Variants in TBXAS1 observed in about 807,000 individuals in gnomAD.
TBXAS1 encodes the protein thromboxane A synthase 1.
In TBXAS1, 48 loss-of-function variants were observed where a neutral mutation model predicts 60.7. The observed-to-expected ratio is 0.79, with a 90% CI of 0.63 to 1.01. The LOEUF (loss-of-function observed/expected upper bound fraction) is 1.01, where lower values mean the gene tolerates loss of function less well. Ranked by LOEUF, TBXAS1 falls within the 50% of genes least tolerant of loss-of-function variation. The pLI, the probability that TBXAS1 is intolerant of heterozygous loss-of-function variation, is 0.00. For synonymous variants in TBXAS1, 287 were observed against 269.7 expected, an observed-to-expected ratio of 1.06 and a Z score of -0.63; for missense variants, 685 against 686.3, an observed-to-expected ratio of 1.00 and a Z score of 0.02.
chr7:139,945,503 C>T (rs986086713), intron 5 of TBXAS1, among the ~76,000 whole-genome samples: 3 of 152,180 alleles, frequency 2.0e-5, no homozygotes, highest in African/African-American at 7.2e-5. Context: ...TATGTCAAGG[C>T]TCTCAAGGAA....
At chr7:139,860,177 G>A (rs1291397342) in intron 1 of TBXAS1, among the ~76,000 whole-genome samples, 1 of 152,128 alleles carries the variant, frequency 6.6e-6, no homozygotes, top group Admixed American at 6.5e-5. Context: ...ATTCTTGGCT[G>A]TTTCAGTGGT....
chr7:139,924,515 C>T (rs1451485873), intron 4 of TBXAS1, among the ~76,000 whole-genome samples: 1 of 151,210 alleles, frequency 6.6e-6, no homozygotes, highest in African/African-American at 2.4e-5. Flanking sequence ...AGGTTTTTTT[C>T]CTGCAGAGTT....
At chr7:139,890,207 CTTTTTTTTTTTT>C (rs57305084) in intron 3 of TBXAS1, among the ~76,000 whole-genome samples, 2 of 85,602 alleles carry the variant, frequency 2.3e-5, no homozygotes, top group Non-Finnish European at 4.2e-5. Context: ...AGGATGCAGT[CTTTTTTTTTTTT>C]TTTTTTTTTT....
intron 5 of TBXAS1, among the ~76,000 whole-genome samples, chr7:139,950,091 T>C (rs2008582): frequency 0.81 from 118,730 of 146,790 alleles, 48,583 homozygotes; most frequent in African/African-American, 0.94. Flanking sequence ...GTCATTCCAG[T>C]GATGCATTCT....
chr7:139,971,264 C>T (rs905195585), intron 9 of TBXAS1, among the ~76,000 whole-genome samples: 1 of 152,108 alleles, frequency 6.6e-6, no homozygotes, highest in African/African-American at 2.4e-5. Flanking sequence ...CCTCCCAGCC[C>T]GTGAAGAGGG....
intron 3 of TBXAS1, among the ~76,000 whole-genome samples, chr7:139,784,919 A>G (rs976573024): frequency 6.6e-6 from 1 of 152,080 alleles, no homozygotes; most frequent in African/African-American, 2.4e-5. Flanking sequence ...GAGATCACAC[A>G]GGGAGAGGTT....
chr7:139,930,544 A>G (rs944847667), intron 4 of TBXAS1, among the ~76,000 whole-genome samples: 5 of 152,224 alleles, frequency 3.3e-5, no homozygotes, highest in African/African-American at 9.6e-5. Flanking sequence ...TCTAGAGGCA[A>G]TGTTCTTAAC....
chr7:139,911,740 G>C (rs1011229740), intron 4 of TBXAS1, among the ~76,000 whole-genome samples: 2 of 152,152 alleles, frequency 1.3e-5, no homozygotes, highest in African/African-American at 2.4e-5. Context: ...GAGTATTAAG[G>C]CTGGAAAGGG....
intron 3 of TBXAS1, among the ~76,000 whole-genome samples, chr7:139,899,781 C>A (rs746291524): frequency 2.0e-5 from 3 of 152,288 alleles, no homozygotes; most frequent in Non-Finnish European, 4.4e-5. Context: ...GTCTGCACAG[C>A]TGGGAGCCTG....
intron 1 of TBXAS1, among the ~76,000 whole-genome samples, chr7:139,839,927 T>C (rs1435286902): frequency 7.3e-6 from 1 of 136,066 alleles, no homozygotes; most frequent in Non-Finnish European, 1.5e-5. Flanking sequence ...GAGGTTGCAA[T>C]GAGCCGAGAT....
chr7:139,806,464 T>C (rs1437005514), intron 4 of TBXAS1, among the ~76,000 whole-genome samples: 2 of 151,386 alleles, frequency 1.3e-5, no homozygotes, highest in East Asian at 1.9e-4. Flanking sequence ...GGTTTTGCCA[T>C]GTTGCCCAGG....
At chr7:139,954,564 T>C (rs887063226) in intron 6 of TBXAS1, among the ~76,000 whole-genome samples, 1 of 152,386 alleles carries the variant, frequency 6.6e-6, no homozygotes, top group South Asian at 2.1e-4. Context: ...ATAGAATTCA[T>C]GTACAAAAGG....
chr7:139,988,476 T>A (rs2117577016), intron 9 of TBXAS1, among the ~76,000 whole-genome samples: 1 of 152,280 alleles, frequency 6.6e-6, no homozygotes, highest in East Asian at 1.9e-4. Flanking sequence ...GCCTACCAGC[T>A]CCCTTTGTGT....
chr7:139,994,274 C>T (rs993191094), intron 9 of TBXAS1, among the ~76,000 whole-genome samples: 2 of 152,186 alleles, frequency 1.3e-5, no homozygotes, highest in African/African-American at 2.4e-5. Flanking sequence ...AACTCCTGAC[C>T]TCAAGTGATC....
At chr7:139,911,909 C>G (rs1805555863) in intron 4 of TBXAS1, among the ~76,000 whole-genome samples, 1 of 152,144 alleles carries the variant, frequency 6.6e-6, no homozygotes, top group African/African-American at 2.4e-5. Flanking sequence ...GATGAGAAAT[C>G]CCAAAGGATG....
At chr7:139,929,872 C>T (rs181008713) in intron 4 of TBXAS1, among the ~76,000 whole-genome samples, 1 of 152,234 alleles carries the variant, frequency 6.6e-6, no homozygotes, top group Non-Finnish European at 1.5e-5. Flanking sequence ...TCCCTGCCTC[C>T]ACTCTGGCTC....
chr7:139,958,584 T>C (rs957192960), intron 8 of TBXAS1, among the ~76,000 whole-genome samples: 1 of 152,252 alleles, frequency 6.6e-6, no homozygotes, highest in Non-Finnish European at 1.5e-5. Context: ...TCTCAAAGAC[T>C]GGATGGCTCA....
In TBXAS1 at chr7:139,794,365, G is replaced by A. The variant is rs572982720; in HGVS notation, c.-80+6939G>A. Among the ~76,000 whole-genome samples the A allele has an allele frequency of 3.5e-3, 536 of 152,242 alleles. 4 individuals carry two copies. The highest frequency in any genetic ancestry group is 0.012 in the African/African-American group (504 of 41,546). On this transcript the variant is annotated intron_variant, in intron 4 of 16. Transcript: ENST00000336425. ...TCCATCTACCTTGGCCTCCCAAAGT[G>A]CTGGTATTACAGGCATCAGCCACCA...
chr7:139,880,134 C>T (rs1243358335), intron 3 of TBXAS1, among the ~76,000 whole-genome samples: 2 of 152,156 alleles, frequency 1.3e-5, no homozygotes, highest in South Asian at 2.1e-4. Flanking sequence ...CCAACTCCCT[C>T]GGCCTGCCAA....
Sources: allele counts gnomAD v4.1 joint callset (sites outside exome capture counted in the v4.1 genomes callset), GRCh38; gene constraint gnomAD v4.1.1; transcripts MANE v1.5; gene names NCBI Gene and HGNC (gene_info 2026-07-23, HGNC 2026-07-21).